STK10: variants seen among roughly 807,000 people sequenced by gnomAD.
The protein encoded by STK10 is serine/threonine kinase 10, also known as serine/threonine-protein kinase 10.
A neutral mutation model predicts 113.8 loss-of-function variants in STK10; 78 were observed. The ratio of observed to expected loss-of-function variants is 0.69; its 90% CI spans 0.57 to 0.83. STK10 has a LOEUF of 0.83. Ranked by LOEUF, STK10 falls within the 40% of genes least tolerant of loss-of-function variation. STK10 has a pLI of 0.00. For synonymous variants in STK10, 465 were observed against 494.7 expected, an observed-to-expected ratio of 0.94 and a Z score of 0.80; for missense variants, 1,109 against 1,280.1, an observed-to-expected ratio of 0.87 and a Z score of 2.04.
chr5:172,064,673 G>C (rs1435731950), intron 13 of STK10, 47 bp downstream of exon 13: 6 of 1,598,942 alleles, frequency 3.8e-6, no homozygotes, highest in African/African-American at 1.3e-5. Context: ...CACCATTCCA[G>C]GTCTCGCACC....
At chr5:172,107,027 T>C (rs915968241) in intron 5 of STK10, 1 of 278,280 alleles carries the variant, frequency 3.6e-6, no homozygotes. Context: ...CTGCTGCAGT[T>C]CCGATGCCTA....
At chr5:172,080,979 CTTG>C (rs1300471415) in intron 12 of STK10, among the ~76,000 whole-genome samples, 9 of 152,206 alleles carry the variant, frequency 5.9e-5, no homozygotes, top group Non-Finnish European at 1.2e-4. Context: ...GGCTGACTCT[CTTG>C]TTAGGGTTTC....
intron 14 of STK10, 42 bp downstream of exon 14, chr5:172,061,097 C>T (rs896123908): frequency 1.2e-5 from 18 of 1,564,184 alleles, no homozygotes; most frequent in East Asian, 2.3e-5. Context: ...ATGTCCACAG[C>T]GACTCTGGGC....
intron 14 of STK10, 141 bp downstream of exon 14, chr5:172,060,998 C>T: frequency 1.5e-6 from 2 of 1,328,012 alleles, no homozygotes; most frequent in Non-Finnish European, 1.0e-6. Context: ...GGCTTTTCCC[C>T]AGGTTTCCCC....
intron 2 of STK10, among the ~76,000 whole-genome samples, chr5:172,138,428 A>T (rs1163049153): frequency 2.0e-5 from 3 of 152,150 alleles, no homozygotes; most frequent in Non-Finnish European, 4.4e-5. Flanking sequence ...AGCCAATAAA[A>T]TTATTTCTGT....
intron 18 of STK10, among the ~76,000 whole-genome samples, chr5:172,048,906 G>A (rs538275289): frequency 1.3e-5 from 2 of 151,808 alleles, no homozygotes; most frequent in South Asian, 4.2e-4. Context: ...GGGTCTCCTT[G>A]TTTCACGAGC....
At chr5:172,183,596 C>G (rs1770900091) in intron 1 of STK10, among the ~76,000 whole-genome samples, 1 of 151,924 alleles carries the variant, frequency 6.6e-6, no homozygotes, top group Non-Finnish European at 1.5e-5. Flanking sequence ...TACAGGCTTA[C>G]AGGCATGCGC....
chr5:172,147,396 C>CTTT (rs34461452), intron 2 of STK10, among the ~76,000 whole-genome samples: 1 of 145,286 alleles, frequency 6.9e-6, no homozygotes, highest in Non-Finnish European at 1.5e-5. Flanking sequence ...TTCTTTCTTT[C>CTTT]TTTTTTTTTT....
chr5:172,158,017 T>C (rs1037227347), intron 1 of STK10, among the ~76,000 whole-genome samples: 6 of 152,176 alleles, frequency 3.9e-5, no homozygotes, highest in Non-Finnish European at 7.4e-5. Flanking sequence ...AACTGTTTCG[T>C]AGATGCATGT....
chr5:172,129,361 T>G (rs1383352765), intron 2 of STK10, among the ~76,000 whole-genome samples: 1 of 152,164 alleles, frequency 6.6e-6, no homozygotes, highest in African/African-American at 2.4e-5. Flanking sequence ...CACCACTCCC[T>G]GCTGAGGAGG....
chr5:172,066,963 G>A (rs1768085971), intron 12 of STK10, among the ~76,000 whole-genome samples: 1 of 152,196 alleles, frequency 6.6e-6, no homozygotes, highest in Non-Finnish European at 1.5e-5. Context: ...AGATCAGACA[G>A]AACCTGTGGT....
At chr5:172,096,221 C>A (rs139208909) in intron 8 of STK10, among the ~76,000 whole-genome samples, 228 of 152,332 alleles carry the variant, frequency 1.5e-3, no homozygotes, top group African/African-American at 5.4e-3. Flanking sequence ...CTCACAGGAT[C>A]GGGATCTGGC....
chr5:172,142,239 C>T (rs929409723), intron 2 of STK10, among the ~76,000 whole-genome samples: 1 of 152,148 alleles, frequency 6.6e-6, no homozygotes, highest in African/African-American at 2.4e-5. Flanking sequence ...ACTACACAAA[C>T]GTCTTTAGAG....
chr5:172,169,189 A>T (rs1770621951), intron 1 of STK10, among the ~76,000 whole-genome samples: 1 of 152,052 alleles, frequency 6.6e-6, no homozygotes, highest in Non-Finnish European at 1.5e-5. Context: ...ATCTCTTTGC[A>T]CCTTGTTAAG....
At chr5:172,087,500 C>T (rs1768593916) in intron 10 of STK10, among the ~76,000 whole-genome samples, 1 of 152,052 alleles carries the variant, frequency 6.6e-6, no homozygotes, top group Non-Finnish European at 1.5e-5. Flanking sequence ...TTCTCGAACT[C>T]CTGACCTCAG....
chr5:172,103,518 A>T (rs1044037131), intron 7 of STK10, among the ~76,000 whole-genome samples: 1 of 152,084 alleles, frequency 6.6e-6, no homozygotes, highest in South Asian at 2.1e-4. Context: ...TCAGGGCAGG[A>T]GGTGCCTCTT....
intron 1 of STK10, among the ~76,000 whole-genome samples, chr5:172,186,395 G>C (rs534637478): frequency 6.6e-6 from 1 of 152,282 alleles, no homozygotes; most frequent in South Asian, 2.1e-4. Context: ...AGGCTGAAAC[G>C]AGCTGATTTC....
chr5:172,087,471 T>C (rs1418010882), intron 10 of STK10, among the ~76,000 whole-genome samples: 1 of 151,754 alleles, frequency 6.6e-6, no homozygotes, highest in African/African-American at 2.4e-5. Flanking sequence ...GACCAGGTTT[T>C]GCCATGTTGG....
intron 2 of STK10, among the ~76,000 whole-genome samples, chr5:172,132,056 C>T (rs1395105229): frequency 6.6e-6 from 1 of 152,212 alleles, no homozygotes; most frequent in Non-Finnish European, 1.5e-5. Flanking sequence ...TCCCAGCCTC[C>T]AGAGCCATGA....
Sources: gnomAD v4.1 joint callset for allele counts (sites outside exome capture counted in the v4.1 genomes callset) on GRCh38, gnomAD v4.1.1 for gene constraint, MANE v1.5 for transcripts, NCBI Gene and HGNC (gene_info 2026-07-23, HGNC 2026-07-21) for gene names.